Variants in DHX35 observed in about 807,000 individuals in gnomAD.
DHX35 encodes DEAH-box helicase 35, also known as probable ATP-dependent RNA helicase DHX35.
A neutral mutation model predicts 99.6 loss-of-function variants in DHX35; 84 were observed. The ratio of observed to expected loss-of-function variants is 0.84; its 90% CI spans 0.71 to 1.01. The LOEUF (loss-of-function observed/expected upper bound fraction) is 1.01, where lower values mean the gene tolerates loss of function less well. Ranked by LOEUF, DHX35 falls within the 50% of genes least tolerant of loss-of-function variation. DHX35 has a pLI of 0.00. For synonymous variants in DHX35, 331 were observed against 316.2 expected, an observed-to-expected ratio of 1.05 and a Z score of -0.50; for missense variants, 852 against 888.5, an observed-to-expected ratio of 0.96 and a Z score of 0.52.
intron 8 of DHX35, among the ~76,000 whole-genome samples, chr20:38,996,023 T>C (rs1192966561): frequency 6.6e-6 from 1 of 152,208 alleles, no homozygotes; most frequent in Non-Finnish European, 1.5e-5. Context: ...GTCTCCTTGC[T>C]GTTCCTCAAA....
chr20:39,014,807 A>G, intron 13 of DHX35, 73 bp from the exon 14 acceptor site: 1 of 1,583,898 alleles, frequency 6.3e-7, no homozygotes, highest in South Asian at 1.1e-5. Context: ...ATGGATTTGA[A>G]AAGGAAACAG....
intron 2 of DHX35, among the ~76,000 whole-genome samples, chr20:38,969,944 C>T (rs1286220632): frequency 1.3e-5 from 2 of 152,190 alleles, no homozygotes; most frequent in Admixed American, 1.3e-4. Flanking sequence ...CATACAGCCC[C>T]TGATGAGGGG....
At chr20:39,017,005 CTTA>C (rs1015588168) in intron 14 of DHX35, among the ~76,000 whole-genome samples, 7 of 150,536 alleles carry the variant, frequency 4.7e-5, no homozygotes, top group African/African-American at 1.5e-4. Flanking sequence ...TTACTTTTTA[CTTA>C]TTAGTATTGT....
chr20:39,000,760 T>C (rs1218434844), intron 8 of DHX35, among the ~76,000 whole-genome samples: 3 of 152,162 alleles, frequency 2.0e-5, no homozygotes, highest in East Asian at 1.9e-4. Flanking sequence ...TTTGTAGTTA[T>C]GTAGCCAGGC....
chr20:39,003,624 A>G, intron 10 of DHX35, 125 bp from the exon 11 acceptor site: 2 of 1,080,774 alleles, frequency 1.9e-6, no homozygotes, highest in African/African-American at 1.6e-5. Flanking sequence ...ACATGACGGC[A>G]CTGAAATTCT....
intron 13 of DHX35, 39 bp from the exon 14 acceptor site, chr20:39,014,841 A>C: frequency 1.2e-6 from 2 of 1,613,506 alleles, no homozygotes; most frequent in Non-Finnish European, 1.7e-6. Flanking sequence ...TTTGTTGCCC[A>C]AATAAATTGA....
chr20:39,014,842 A>C (rs376839317), intron 13 of DHX35, 38 bp from the exon 14 acceptor site: 260 of 1,613,672 alleles, frequency 1.6e-4, no homozygotes, highest in Non-Finnish European at 2.2e-4. Flanking sequence ...TTGTTGCCCA[A>C]ATAAATTGAT....
In DHX35 at chr20:38,983,697, A is replaced by G. The variant is rs1261528054; in HGVS notation, c.268-2A>G. 2.5e-6 allele frequency: 4 copies of G among 1,613,872 alleles called. No homozygotes were observed. Among genetic ancestry groups the G allele is most frequent in the Non-Finnish European group, 3.4e-6 (4 of 1,179,792 alleles). On this transcript the variant is annotated splice_acceptor_variant, in intron 3 of 21. Coordinates refer to ENST00000252011, the MANE Select transcript of DHX35 (RefSeq NM_021931.4). LOFTEE classifies it high-confidence loss of function. ...TATACTTAGATGTGATTTTGTTTGTAGTACCTTGCAGAAGCCGGCTGGACA... is the reference window on the plus strand; with the variant it reads ...TATACTTAGATGTGATTTTGTTTGTGGTACCTTGCAGAAGCCGGCTGGACA...
intron 15 of DHX35, among the ~76,000 whole-genome samples, chr20:39,021,117 G>A (rs779800072): frequency 3.9e-5 from 6 of 152,334 alleles, no homozygotes; most frequent in East Asian, 1.9e-4. Flanking sequence ...AGCCCCCAGC[G>A]TGCTTTGCTG....
At chr20:38,980,935 C>T (rs1230602802) in intron 3 of DHX35, among the ~76,000 whole-genome samples, 1 of 152,164 alleles carries the variant, frequency 6.6e-6, no homozygotes, top group East Asian at 1.9e-4. Context: ...GAACTTGACA[C>T]TTTAAAAGAC....
chr20:39,006,288 C>A lies in DHX35; in HGVS notation c.1154C>A (p.Ala385Glu). 6.2e-7 allele frequency: 1 copy of A among 1,614,108 alleles called. No individual in the cohort carries two copies. The highest frequency in any genetic ancestry group is 2.2e-5 in the East Asian group (1 of 44,874). The change falls in exon 12 of 22, where the codon GCA becomes GAA. Residue 385 changes from alanine to glutamate, a missense_variant. By Grantham distance (107) the Ala-to-Glu change is moderately radical. Transcript: ENST00000252011. The part of the protein sequence containing the change: ...ECLVVVPVSQ[A>E]SANQRAGRGG... ...TTGGTGGTGGTGCCAGTCTCCCAGG[C>A]ATCAGCTAATCAGCGAGCAGGACGT...
intron 8 of DHX35, among the ~76,000 whole-genome samples, chr20:39,001,316 T>A (rs992197926): frequency 1.3e-5 from 2 of 152,180 alleles, no homozygotes; most frequent in African/African-American, 4.8e-5. Flanking sequence ...AATGATCATA[T>A]CTGTGTTTTC....
intron 3 of DHX35, among the ~76,000 whole-genome samples, 170 bp downstream of exon 3, chr20:38,972,821 A>G (rs2145839296): frequency 1.3e-5 from 2 of 152,354 alleles, no homozygotes; most frequent in South Asian, 4.1e-4. Flanking sequence ...TTCTTTGGTG[A>G]GTACTAAAGT....
At chr20:39,032,417 C>T (rs1340514569) in intron 20 of DHX35, among the ~76,000 whole-genome samples, 1 of 152,208 alleles carries the variant, frequency 6.6e-6, no homozygotes, top group Non-Finnish European at 1.5e-5. Context: ...GGTGATCTGC[C>T]CACCTCAGCC....
chr20:38,984,627 T>C lies in DHX35; in HGVS notation c.345+851T>C, dbSNP rs373829946. ...TACCTATATTTCAAATTACGCCTTATAGTTTCCTGTTATGAAAGAAGAGGA... is the reference window on the plus strand; with the variant it reads ...TACCTATATTTCAAATTACGCCTTACAGTTTCCTGTTATGAAAGAAGAGGA... On this transcript the variant is annotated intron_variant, in intron 4 of 21. Coordinates refer to ENST00000252011, the MANE Select transcript of DHX35 (RefSeq NM_021931.4). Among the ~76,000 whole-genome samples, 50 of 152,336 alleles carry C rather than the reference T, an allele frequency of 3.3e-4. 1 individual carries two copies. In the South Asian group the frequency reaches 0.01, roughly 31 times the overall value.
intron 3 of DHX35, among the ~76,000 whole-genome samples, chr20:38,980,896 G>A (rs1188784203): frequency 5.3e-5 from 8 of 152,076 alleles, no homozygotes; most frequent in South Asian, 2.1e-4. Context: ...TAGGTTGTGC[G>A]AATTCCTCAA....
intron 1 of DHX35, 68 bp from the exon 2 acceptor site, chr20:38,969,013 T>C: frequency 6.8e-7 from 1 of 1,478,750 alleles, no homozygotes; most frequent in Non-Finnish European, 9.1e-7. Flanking sequence ...CTTTGAAAGT[T>C]TATAAACTTA....
chr20:38,997,160 T>C (rs773536291), intron 8 of DHX35, among the ~76,000 whole-genome samples: 5 of 152,090 alleles, frequency 3.3e-5, no homozygotes, highest in Admixed American at 3.3e-4. Flanking sequence ...AACCTCTGCT[T>C]CCCAGGTTCA....
chr20:39,014,400 A>G (rs547798783), intron 13 of DHX35, among the ~76,000 whole-genome samples: 1 of 152,328 alleles, frequency 6.6e-6, no homozygotes, highest in Non-Finnish European at 1.5e-5. Context: ...GTTTCCAGAC[A>G]GGGATTAAGA....
Sources: allele counts gnomAD v4.1 joint callset (sites outside exome capture counted in the v4.1 genomes callset), GRCh38; gene constraint gnomAD v4.1.1; transcripts MANE v1.5; gene names NCBI Gene and HGNC (gene_info 2026-07-23, HGNC 2026-07-21).